The following DNAI7 variants were observed in gnomAD, a reference collection of about 807,000 sequenced individuals.
DNAI7 encodes cancer susceptibility 1.
Under a neutral mutation model 86.6 loss-of-function variants are expected in DNAI7, and 78 were observed. The ratio of observed to expected loss-of-function variants is 0.90; its 90% CI spans 0.75 to 1.09. DNAI7 has a LOEUF of 1.09. Ranked by LOEUF, DNAI7 falls within the 50% of genes least tolerant of loss-of-function variation. The probability of loss-of-function intolerance (pLI) is 0.00; values close to 1 mark genes in which losing one functional copy is unlikely to be tolerated. For missense variants in DNAI7, 753 were observed against 810.2 expected, an observed-to-expected ratio of 0.93 and a Z score of 0.86; for synonymous variants, 274 against 273.0, an observed-to-expected ratio of 1.00 and a Z score of -0.04.
At chr12:25,131,839 C>G (rs1474794118) in intron 9 of DNAI7, among the ~76,000 whole-genome samples, 1 of 151,996 alleles carries the variant, frequency 6.6e-6, no homozygotes, top group East Asian at 1.9e-4. Context: ...TCATTGAGCC[C>G]TTATCATGAG....
In DNAI7 at chr12:25,119,100, T is replaced by G. The variant is rs188209930; in HGVS notation, c.1396+45A>C. On this transcript the variant is annotated intron_variant, in intron 12 of 15. Coordinates refer to ENST00000395987, the MANE Select transcript of DNAI7 (RefSeq NM_018272.5). ...CACTTTCTGTTTCAACTTAAGGGTT[T>G]TTATGATTATCCCTCCTTTTATTAC... 4.0e-6 allele frequency: 6 copies of G among 1,504,768 alleles called. No individual in the cohort carries two copies. In the East Asian group the frequency reaches 1.4e-4, roughly 34 times the overall value. 93.2% of individuals were successfully genotyped at this position (1,504,768 alleles called of 1,614,324 possible).
intron 9 of DNAI7, 63 bp from the exon 10 acceptor site, chr12:25,123,349 T>C: frequency 5.3e-6 from 6 of 1,132,198 alleles, no homozygotes; most frequent in Non-Finnish European, 7.5e-6. Context: ...GTCATTGTCT[T>C]TGTGTTCCAG....
At chr12:25,122,113 G>C (rs1234028729) in intron 10 of DNAI7, among the ~76,000 whole-genome samples, 200 bp from the exon 11 acceptor site, 2 of 152,156 alleles carry the variant, frequency 1.3e-5, no homozygotes, top group African/African-American at 4.8e-5. Flanking sequence ...GTGGGGTATA[G>C]GGGAGGACAT....
intron 2 of DNAI7, among the ~76,000 whole-genome samples, chr12:25,178,998 T>C (rs2141257527): frequency 6.6e-6 from 1 of 152,226 alleles, no homozygotes; most frequent in East Asian, 1.9e-4. Context: ...ATTTTTAGCC[T>C]TTTTTCTTCT....
chr12:25,157,731 G>C (rs1486044825), intron 4 of DNAI7, among the ~76,000 whole-genome samples: 1 of 152,128 alleles, frequency 6.6e-6, no homozygotes, highest in Non-Finnish European at 1.5e-5. Flanking sequence ...AATAGTAATG[G>C]AGTTTTGTCC....
rs1948706582 is a variant in DNAI7, at chr12:25,174,592, G to GGATATATATCATATATAT, written c.22-13396_22-13395insATATATATGATATATATC. ...ATATGGGATATATATCATATATATGGGATATATATATGATATATATATCAT... is the reference window on the plus strand; with the variant it reads ...ATATGGGATATATATCATATATATGGGATATATATCATATATATGATATATATATGATATATATATCAT... On this transcript the variant is annotated intron_variant, in intron 2 of 15. Coordinates refer to ENST00000395987, the MANE Select transcript of DNAI7 (RefSeq NM_018272.5). Among the ~76,000 whole-genome samples the GGATATATATCATATATAT allele has an allele frequency of 3.9e-5, 3 of 76,864 alleles. No individual in the cohort carries two copies. The East Asian group carries it at 9.1e-4, about 23-fold the overall frequency. The allele number at this position is 76,864 out of a possible 152,430, so 50.4% of individuals were successfully genotyped here.
chr12:25,145,119 T>C (rs899688709), intron 8 of DNAI7, among the ~76,000 whole-genome samples: 1 of 152,200 alleles, frequency 6.6e-6, no homozygotes, highest in Admixed American at 6.5e-5. Context: ...CATCTCTGAA[T>C]GGACTTTAAG....
intron 2 of DNAI7, among the ~76,000 whole-genome samples, chr12:25,165,678 ACT>A (rs551271659): frequency 2.6e-5 from 4 of 152,118 alleles, no homozygotes; most frequent in South Asian, 2.1e-4. Flanking sequence ...GCTCTGGGTA[ACT>A]CTCACAGTGG....
intron 8 of DNAI7, 50 bp downstream of exon 8, chr12:25,146,951 C>T (rs1339818270): frequency 2.1e-6 from 2 of 940,998 alleles, no homozygotes; most frequent in Admixed American, 3.5e-5. Context: ...CATGATGTGG[C>T]TCAATGTCTT....
At chr12:25,184,080 A>G (rs1949808676) in intron 2 of DNAI7, among the ~76,000 whole-genome samples, 2 of 152,194 alleles carry the variant, frequency 1.3e-5, no homozygotes, top group African/African-American at 4.8e-5. Context: ...CAAATTATGG[A>G]TTAGTATTAT....
intron 10 of DNAI7, among the ~76,000 whole-genome samples, chr12:25,122,283 C>A (rs1941426570): frequency 1.3e-5 from 2 of 151,750 alleles, no homozygotes; most frequent in South Asian, 4.2e-4. Context: ...CATAGCAAGA[C>A]CCCATCTCTA....
intron 2 of DNAI7, among the ~76,000 whole-genome samples, chr12:25,161,762 G>T (rs1946858778): frequency 6.6e-6 from 1 of 152,166 alleles, no homozygotes; most frequent in African/African-American, 2.4e-5. Flanking sequence ...TACAAGATAG[G>T]GGATTGAAAG....
chr12:25,108,041 A>G, downstream of DNAI7: 2 of 1,614,082 alleles, frequency 1.2e-6, no homozygotes, highest in Non-Finnish European at 1.7e-6. Flanking sequence ...CTCCGACACA[A>G]TGGGCCACCA....
chr12:25,118,163 C>T (rs1011109294), intron 12 of DNAI7, among the ~76,000 whole-genome samples: 1 of 151,948 alleles, frequency 6.6e-6, no homozygotes, highest in African/African-American at 2.4e-5. Flanking sequence ...GAACTCCTGA[C>T]CTCAGGTGAT....
chr12:25,142,152 AATACC>A (rs1228203506), intron 9 of DNAI7, among the ~76,000 whole-genome samples: 1 of 152,258 alleles, frequency 6.6e-6, no homozygotes, highest in Non-Finnish European at 1.5e-5. Flanking sequence ...TGTACCATGG[AATACC>A]ACTCAGCCAT....
intron 2 of DNAI7, among the ~76,000 whole-genome samples, chr12:25,182,717 G>GTTTAA (rs1949645267): frequency 6.6e-6 from 1 of 150,792 alleles, no homozygotes; most frequent in African/African-American, 2.4e-5. Flanking sequence ...GAGCCCCAAA[G>GTTTAA]TTTAAGACCA....
At chr12:25,107,899 T>G, downstream of DNAI7, 1 of 1,614,196 alleles carries the variant, frequency 6.2e-7, no homozygotes, top group Non-Finnish European at 8.5e-7. Context: ...CTCTATTGCA[T>G]TCATTGTACT....
At chr12:25,167,992 C>A (rs1271383418) in intron 2 of DNAI7, among the ~76,000 whole-genome samples, 1 of 152,124 alleles carries the variant, frequency 6.6e-6, no homozygotes, top group Non-Finnish European at 1.5e-5. Flanking sequence ...TTATACCCAG[C>A]CCCGAAAATA....
chr12:25,125,973 C>A (rs1477527470), intron 9 of DNAI7, among the ~76,000 whole-genome samples: 3 of 152,076 alleles, frequency 2.0e-5, no homozygotes. Flanking sequence ...GGTCTATGTG[C>A]CTGTTTCTGT....
Sources: allele counts gnomAD v4.1 joint callset (sites outside exome capture counted in the v4.1 genomes callset), GRCh38; gene constraint gnomAD v4.1.1; transcripts MANE v1.5; gene names NCBI Gene and HGNC (gene_info 2026-07-23, HGNC 2026-07-21).